Variants in TMPRSS2 observed in about 807,000 individuals in gnomAD.
TMPRSS2 encodes the protein transmembrane serine protease 2.
TMPRSS2 carries 59 observed loss-of-function variants against 67.4 expected under a neutral mutation model. That is an observed-to-expected ratio of 0.88 (90% CI 0.71 to 1.09). The LOEUF is 1.09. TMPRSS2 is among the 50% of genes least tolerant of loss of function. The pLI, the probability that TMPRSS2 is intolerant of heterozygous loss-of-function variation, is 0.00. For synonymous variants in TMPRSS2, 257 were observed against 257.0 expected (o/e 1.00, Z 0.00); for missense variants, 668 against 642.7 (o/e 1.04, Z -0.43).
intron 13 of TMPRSS2, among the ~76,000 whole-genome samples, chr21:41,466,677 G>T (rs2091087353): frequency 1.3e-5 from 2 of 152,232 alleles, no homozygotes; most frequent in Admixed American, 1.3e-4. Context: ...CGTGTCATTT[G>T]AAGGAGACAC....
At chr21:41,472,003 G>C (rs200391660) in intron 9 of TMPRSS2, 22 bp from the exon 10 acceptor site, 32 of 1,571,458 alleles carry the variant, frequency 2.0e-5, no homozygotes, top group Non-Finnish European at 2.6e-5. Context: ...GAAGGACTCA[G>C]TATCTCAGAG....
chr21:41,485,007 G>A (rs576955441), intron 5 of TMPRSS2, among the ~76,000 whole-genome samples: 1 of 152,096 alleles, frequency 6.6e-6, no homozygotes, highest in East Asian at 1.9e-4. Context: ...TCTCTGGAAA[G>A]AGAAGCAACT....
In TMPRSS2 at chr21:41,495,728, C is replaced by T. The variant is rs539019775; in HGVS notation, c.16-1150G>A. Reference sequence around the variant, plus strand: ...AGGGAAAATTGAGGTCATTGTGAGACTTTGTCTGCTGTTGGGGAGAAATCA... The same window carrying T: ...AGGGAAAATTGAGGTCATTGTGAGATTTTGTCTGCTGTTGGGGAGAAATCA... On this transcript the variant is annotated intron_variant, in intron 2 of 13. Transcript: ENST00000332149. 3.0e-4 allele frequency among the ~76,000 whole-genome samples: 45 copies of T among 151,738 alleles called. 1 individual carries two copies. Among genetic ancestry groups the T allele is most frequent in the African/African-American group, 1.0e-3 (42 of 41,354 alleles).
intron 1 of TMPRSS2, among the ~76,000 whole-genome samples, chr21:41,500,640 A>G (rs1726986302): frequency 6.6e-6 from 1 of 152,236 alleles, no homozygotes; most frequent in Admixed American, 6.5e-5. Context: ...ATAAAAATAC[A>G]AGAACCAGGT....
rs113438095 is a variant in TMPRSS2 at position 41,468,345 on chromosome 21, G to C, written c.1314+51C>G. ...AAGAATGCCCTCTCTCTCATGGGGGGTTCAGTAGGATCTGGTAAGGACCAA... is the reference window on the plus strand; with the variant it reads ...AAGAATGCCCTCTCTCTCATGGGGGCTTCAGTAGGATCTGGTAAGGACCAA... On this transcript the variant is annotated intron_variant, in intron 12 of 13. Transcript: ENST00000332149. 6.2e-6 allele frequency: 10 copies of C among 1,605,886 alleles called. No homozygotes were observed. In the Admixed American group the frequency reaches 1.2e-4, roughly 19 times the overall value.
At chr21:41,489,616 A>G in intron 3 of TMPRSS2, 23 bp from the exon 4 acceptor site, 1 of 1,566,200 alleles carries the variant, frequency 6.4e-7, no homozygotes, top group Non-Finnish European at 8.8e-7. Flanking sequence ...GGAGAGTGCA[A>G]CGTTCAGACC....
chr21:41,481,336 C>A (rs2091255686), intron 5 of TMPRSS2, among the ~76,000 whole-genome samples: 1 of 152,206 alleles, frequency 6.6e-6, no homozygotes, highest in Non-Finnish European at 1.5e-5. Context: ...GGACATACTG[C>A]ATGAGCCGAC....
At position 41,480,616 on chromosome 21, in the gene TMPRSS2, A is replaced by G. The variant is rs986832379; in HGVS notation, c.446-14T>C. 2 of 1,613,138 alleles carry G rather than the reference A, an allele frequency of 1.2e-6. No homozygotes were observed. The highest frequency in any genetic ancestry group is 1.7e-5 in the Admixed American group (1 of 59,988). ...CGTAGAGGCGAACTGCACGAGAGGG[A>G]GGATTATCCATGAGTTTCTTTCTTT... is the stretch of plus-strand genomic sequence containing the variant. On this transcript the variant is annotated splice_polypyrimidine_tract_variant and intron_variant, in intron 5 of 13. Transcript: ENST00000332149.
At chr21:41,497,825 G>C (rs1343973448) in intron 2 of TMPRSS2, among the ~76,000 whole-genome samples, 1 of 152,202 alleles carries the variant, frequency 6.6e-6, no homozygotes, top group Non-Finnish European at 1.5e-5. Flanking sequence ...TGCCTCATCT[G>C]TCCCCACTCC....
intron 3 of TMPRSS2, among the ~76,000 whole-genome samples, chr21:41,492,593 A>T (rs2091346564): frequency 1.3e-5 from 2 of 152,250 alleles, no homozygotes; most frequent in Admixed American, 1.3e-4. Context: ...TCTTAAAAAT[A>T]GTACCAGGGT....
chr21:41,496,829 CTTTTTTTTTT>C (rs66730350), intron 2 of TMPRSS2, among the ~76,000 whole-genome samples: 4 of 68,514 alleles, frequency 5.8e-5, no homozygotes, highest in Admixed American at 3.9e-4. Flanking sequence ...TCTCTCTCTC[CTTTTTTTTTT>C]TTTTTTTTTT....
chr21:41,494,453 G>A lies in TMPRSS2; in HGVS notation c.141C>T (p.Ser47=), dbSNP rs781475568. 7 of 1,613,854 alleles carry A rather than the reference G, an allele frequency of 4.3e-6. No individual in the cohort carries two copies. In the Admixed American group the frequency reaches 5.0e-5, roughly 12 times the overall value. ...YEVHPAQYYP[S]PVPQYAPRVL... ...CCCTCGGGGCGTACTGGGGCACGGGGGACGGGTAGTACTGAGCCGGATGCA... is the reference window on the plus strand; with the variant it reads ...CCCTCGGGGCGTACTGGGGCACGGGAGACGGGTAGTACTGAGCCGGATGCA... Residue 47 remains serine (S), a synonymous_variant, in exon 3 of 14, where the codon TCC becomes TCT. Coordinates refer to ENST00000332149, the MANE Select transcript of TMPRSS2 (RefSeq NM_005656.4).
intron 3 of TMPRSS2, among the ~76,000 whole-genome samples, chr21:41,492,972 C>G (rs2091349825): frequency 6.6e-6 from 1 of 152,230 alleles, no homozygotes; most frequent in Non-Finnish European, 1.5e-5. Context: ...AGTTCCCAAC[C>G]TCCACACTAA....
In TMPRSS2 at chr21:41,476,659, C is replaced by T. The variant is rs747196399; in HGVS notation, c.684-39G>A. On this transcript the variant is annotated intron_variant, in intron 7 of 13. Transcript: ENST00000332149. ...AGGGGAAATTCTGGTCACGATAGTG[C>T]GGAGTCACCTGCCTCTCACATGCTT... 1.3e-5 allele frequency: 20 copies of T among 1,560,794 alleles called. No individual in the cohort carries two copies. In the African/African-American group the frequency reaches 1.4e-4, roughly 11 times the overall value.
At chr21:41,485,309 T>C (rs186422083) in intron 5 of TMPRSS2, among the ~76,000 whole-genome samples, 2 of 152,210 alleles carry the variant, frequency 1.3e-5, no homozygotes, top group East Asian at 3.9e-4. Flanking sequence ...ACATAAGGAC[T>C]TTGTTGGTGT....
chr21:41,476,428 G>A lies in TMPRSS2; in HGVS notation c.727+149C>T. ...TGGAAATCTAAACCAGGAGCTCCTT[G>A]GAAAGAGCGAGACGCCGCTGGGCAC... On this transcript the variant is annotated intron_variant, in intron 8 of 13. Transcript: ENST00000332149. 4.1e-6 allele frequency: 3 copies of A among 723,518 alleles called. No homozygotes were observed. In the Middle Eastern group the frequency reaches 7.9e-4, roughly 192 times the overall value. 44.8% of individuals were successfully genotyped at this position (723,518 alleles called of 1,614,324 possible).
chr21:41,501,608 C>CAAA (rs57394908), intron 1 of TMPRSS2, among the ~76,000 whole-genome samples: 13 of 86,536 alleles, frequency 1.5e-4, no homozygotes, highest in African/African-American at 4.3e-4. Flanking sequence ...GACTCTGTCT[C>CAAA]AAAAAAAAAA....
At chr21:41,506,326 A>AGG (rs2091457800) in intron 1 of TMPRSS2, 1 of 152,284 alleles carries the variant, frequency 6.6e-6, no homozygotes, top group East Asian at 1.9e-4. Flanking sequence ...AAATAACCAG[A>AGG]GGCCGAGGTG....
intron 1 of TMPRSS2, among the ~76,000 whole-genome samples, chr21:41,505,725 C>T (rs1170737737): frequency 6.6e-6 from 1 of 152,186 alleles, no homozygotes; most frequent in African/African-American, 2.4e-5. Flanking sequence ...CGCCTTGTTT[C>T]CAGCTTCCTT....
Sources: allele counts gnomAD v4.1 joint callset (sites outside exome capture counted in the v4.1 genomes callset), GRCh38; gene constraint gnomAD v4.1.1; transcripts MANE v1.5; gene names NCBI Gene and HGNC (gene_info 2026-07-23, HGNC 2026-07-21).